The following RBFOX1 variants were observed in gnomAD, a reference collection of about 807,000 sequenced individuals.
The protein encoded by RBFOX1 is RNA binding protein fox-1 homolog 1.
Under a neutral mutation model 57.7 loss-of-function variants are expected in RBFOX1, and 8 were observed. The observed-to-expected ratio is 0.14, with a 90% CI of 0.08 to 0.25. The LOEUF (loss-of-function observed/expected upper bound fraction) is 0.25. RBFOX1 is among the 10% of genes least tolerant of loss of function. The probability of loss-of-function intolerance (pLI) is 1.00; values close to 1 mark genes in which losing one functional copy is unlikely to be tolerated. For missense variants in RBFOX1, 611 were observed against 548.5 expected, an observed-to-expected ratio of 1.11 and a Z score of -1.14; for synonymous variants, 326 against 222.4, an observed-to-expected ratio of 1.47 and a Z score of -4.15.
chr16:5,492,826 A>G (rs1023681613), intron 2 of RBFOX1, among the ~76,000 whole-genome samples: 1 of 152,214 alleles, frequency 6.6e-6, no homozygotes. Context: ...TAAACCATCA[A>G]TAGTGCGGGG....
At chr16:5,878,534 C>T (rs1319062745) in intron 4 of RBFOX1, among the ~76,000 whole-genome samples, 3 of 152,100 alleles carry the variant, frequency 2.0e-5, no homozygotes, top group East Asian at 3.9e-4. Flanking sequence ...GGCTTGAAAA[C>T]CCCCTTGGGT....
At chr16:5,871,635 C>G (rs1032976495) in intron 4 of RBFOX1, among the ~76,000 whole-genome samples, 1 of 152,152 alleles carries the variant, frequency 6.6e-6, no homozygotes, top group East Asian at 1.9e-4. Context: ...CTCTCCACCA[C>G]CAGCTGTATA....
chr16:7,068,310 T>G (rs1056943822), intron 4 of RBFOX1, among the ~76,000 whole-genome samples: 3 of 152,200 alleles, frequency 2.0e-5, no homozygotes, highest in Admixed American at 2.0e-4. Flanking sequence ...CCATGTGTAT[T>G]CAAACACTGC....
chr16:7,034,455 T>G (rs1015923814), intron 3 of RBFOX1, among the ~76,000 whole-genome samples: 1 of 152,068 alleles, frequency 6.6e-6, no homozygotes, highest in Non-Finnish European at 1.5e-5. Flanking sequence ...TTCCCCCTTC[T>G]TCCTTGCTGG....
chr16:5,467,081 G>C (rs903578784), intron 1 of RBFOX1: 1 of 1,052,726 alleles, frequency 9.5e-7, no homozygotes, highest in South Asian at 1.8e-5. Context: ...GCATTTAATG[G>C]ACGTTTTGAG....
intron 1 of RBFOX1, among the ~76,000 whole-genome samples, chr16:5,380,546 A>G (rs1286127901): frequency 1.3e-5 from 2 of 152,246 alleles, no homozygotes; most frequent in Admixed American, 6.5e-5. Context: ...AGCTGCGAAT[A>G]GGACTTACCT....
At chr16:6,338,790 C>G (rs1352337702) in intron 2 of RBFOX1, among the ~76,000 whole-genome samples, 1 of 152,164 alleles carries the variant, frequency 6.6e-6, no homozygotes, top group Non-Finnish European at 1.5e-5. Context: ...TGTTCACTTT[C>G]AAAAGTACGG....
intron 3 of RBFOX1, among the ~76,000 whole-genome samples, chr16:6,978,564 C>G (rs1394772033): frequency 7.6e-6 from 1 of 131,726 alleles, no homozygotes; most frequent in Non-Finnish European, 1.7e-5. Context: ...TCATAGAGCC[C>G]CTTTCTCCTT....
intron 3 of RBFOX1, among the ~76,000 whole-genome samples, chr16:7,048,697 A>G (rs571484976): frequency 2.0e-5 from 3 of 152,286 alleles, no homozygotes; most frequent in Admixed American, 2.0e-4. Flanking sequence ...TAATTCCAAC[A>G]TCTTTGCTAT....
intron 3 of RBFOX1, among the ~76,000 whole-genome samples, chr16:6,954,957 G>A (rs1268456933): frequency 6.6e-6 from 1 of 151,978 alleles, no homozygotes; most frequent in Non-Finnish European, 1.5e-5. Flanking sequence ...AAGGCTGGGT[G>A]TGGTGGCTCG....
chr16:5,492,850 C>G (rs1469731362), intron 2 of RBFOX1, among the ~76,000 whole-genome samples: 1 of 152,188 alleles, frequency 6.6e-6, no homozygotes, highest in Non-Finnish European at 1.5e-5. Flanking sequence ...TGGTGCTTTT[C>G]TTACCTTCTA....
At chr16:6,940,263 T>A (rs945570036) in intron 3 of RBFOX1, among the ~76,000 whole-genome samples, 2 of 152,212 alleles carry the variant, frequency 1.3e-5, no homozygotes, top group Non-Finnish European at 2.9e-5. Context: ...GGCTTGGGCA[T>A]GAGTCCTTGT....
At chr16:5,780,748 T>A (rs535024476) in intron 3 of RBFOX1, among the ~76,000 whole-genome samples, 1 of 152,206 alleles carries the variant, frequency 6.6e-6, no homozygotes. Context: ...GAGTACAAGA[T>A]GTACAGGCAG....
intron 1 of RBFOX1, among the ~76,000 whole-genome samples, chr16:6,283,217 C>G (rs574754712): frequency 6.6e-6 from 1 of 152,116 alleles, no homozygotes; most frequent in Non-Finnish European, 1.5e-5. Context: ...TTCCCAGCTA[C>G]TTGGGAGGCT....
At chr16:6,647,197 G>C (rs972979976) in intron 2 of RBFOX1, among the ~76,000 whole-genome samples, 3 of 152,142 alleles carry the variant, frequency 2.0e-5, no homozygotes, top group Non-Finnish European at 4.4e-5. Context: ...GAGAGAAAAT[G>C]AGTGAGCTCT....
chr16:6,864,150 T>C (rs1209187816), intron 3 of RBFOX1, among the ~76,000 whole-genome samples: 1 of 152,116 alleles, frequency 6.6e-6, no homozygotes, highest in African/African-American at 2.4e-5. Flanking sequence ...GGAGGGGTCA[T>C]TTCAGGGAAA....
At chr16:7,039,165 C>T (rs79070703) in intron 3 of RBFOX1, among the ~76,000 whole-genome samples, 14,638 of 152,176 alleles carry the variant, frequency 0.096, 1,165 homozygotes, top group East Asian at 0.32. Flanking sequence ...AAAGTATTCC[C>T]GAGGACTCTT....
At chr16:6,321,621 G>A (rs1479550520) in intron 2 of RBFOX1, among the ~76,000 whole-genome samples, 1 of 152,136 alleles carries the variant, frequency 6.6e-6, no homozygotes, top group African/African-American at 2.4e-5. Context: ...TATTTCCATG[G>A]CATCTACTGT....
intron 3 of RBFOX1, among the ~76,000 whole-genome samples, chr16:5,689,463 C>G (rs970059291): frequency 6.6e-6 from 1 of 152,076 alleles, no homozygotes; most frequent in African/African-American, 2.4e-5. Flanking sequence ...GACTAGTTGC[C>G]TGCTCAAATT....
Sources: gnomAD v4.1 joint callset for allele counts (sites outside exome capture counted in the v4.1 genomes callset) on GRCh38, gnomAD v4.1.1 for gene constraint, MANE v1.5 for transcripts, NCBI Gene and HGNC (gene_info 2026-07-23, HGNC 2026-07-21) for gene names.